The following FHIP1A variants were observed in gnomAD, a reference collection of about 807,000 sequenced individuals.
FHIP1A encodes the protein FHF complex subunit HOOK-interacting protein 1A.
Under a neutral mutation model 88.6 loss-of-function variants are expected in FHIP1A, and 61 were observed. The observed-to-expected ratio is 0.69, with a 90% confidence interval of 0.56 to 0.85. FHIP1A has a LOEUF of 0.85. Ranked by LOEUF, FHIP1A falls within the 40% of genes least tolerant of loss-of-function variation. The pLI is 0.00. For missense variants in FHIP1A, 1,154 were observed against 1,273.5 expected, an observed-to-expected ratio of 0.91 and a Z score of 1.43; for synonymous variants, 478 against 496.0, an observed-to-expected ratio of 0.96 and a Z score of 0.48.
chr4:151,424,968 C>T (rs1336390720), intron 1 of FHIP1A, among the ~76,000 whole-genome samples: 1 of 152,098 alleles, frequency 6.6e-6, no homozygotes, highest in East Asian at 1.9e-4. Flanking sequence ...AGAGAATGGA[C>T]ATCAGTAGCT....
chr4:151,639,031 A>C (rs1168213057), intron 9 of FHIP1A, among the ~76,000 whole-genome samples: 3 of 152,192 alleles, frequency 2.0e-5, no homozygotes, highest in African/African-American at 7.2e-5. Flanking sequence ...AGAATGCTTG[A>C]AAATGTTCAG....
chr4:151,546,258 C>T (rs1318707107), intron 3 of FHIP1A, among the ~76,000 whole-genome samples: 2 of 152,196 alleles, frequency 1.3e-5, no homozygotes, highest in Non-Finnish European at 2.9e-5. Flanking sequence ...TACCAGCAGC[C>T]CCCACTACCT....
chr4:151,476,020 C>T (rs1308962286), intron 2 of FHIP1A, among the ~76,000 whole-genome samples: 1 of 151,912 alleles, frequency 6.6e-6, no homozygotes, highest in African/African-American at 2.4e-5. Context: ...CACCATCGCA[C>T]CTGGCTAATT....
intron 3 of FHIP1A, among the ~76,000 whole-genome samples, chr4:151,550,487 G>A (rs868163019): frequency 1.3e-5 from 2 of 152,094 alleles, no homozygotes; most frequent in South Asian, 4.1e-4. Context: ...CAGTTTTTGT[G>A]TTAATTCTTA....
At chr4:151,641,251 A>G (rs1736577221) in intron 9 of FHIP1A, among the ~76,000 whole-genome samples, 1 of 152,212 alleles carries the variant, frequency 6.6e-6, no homozygotes, top group Non-Finnish European at 1.5e-5. Context: ...CTGAGAGGAC[A>G]TACACAGAAG....
chr4:151,541,410 C>G (rs1020744468), intron 3 of FHIP1A, among the ~76,000 whole-genome samples: 1 of 152,160 alleles, frequency 6.6e-6, no homozygotes, highest in Non-Finnish European at 1.5e-5. Context: ...TTTTTACAGT[C>G]CTTTATGTTT....
At position 151,412,385 on chromosome 4, in the gene FHIP1A, C is replaced by T. The variant is rs979510945; in HGVS notation, c.-356+2920C>T. ...CCTCCCAAAGTGCTGGGATTACAGG[C>T]GTGAGCCACTGTGTTCGGCCAATAA... On this transcript the variant is annotated intron_variant, in intron 1 of 13. Transcript: ENST00000435205. 3.9e-5 allele frequency among the ~76,000 whole-genome samples: 6 copies of T among 152,036 alleles called. No homozygotes were observed. The East Asian group carries it at 7.7e-4, about 20-fold the overall frequency.
chr4:151,575,893 G>C (rs1166604487), intron 4 of FHIP1A, among the ~76,000 whole-genome samples: 2 of 152,110 alleles, frequency 1.3e-5, no homozygotes, highest in Admixed American at 1.3e-4. Context: ...TACTTGCACA[G>C]AACATGTAAC....
chr4:151,644,523 T>A (rs942336499), intron 9 of FHIP1A, among the ~76,000 whole-genome samples: 3 of 152,046 alleles, frequency 2.0e-5, no homozygotes, highest in African/African-American at 7.3e-5. Flanking sequence ...GGCTAACTCT[T>A]CTATGTTTTA....
intron 7 of FHIP1A, among the ~76,000 whole-genome samples, chr4:151,618,292 G>A (rs1436601482): frequency 1.3e-5 from 2 of 152,326 alleles, no homozygotes; most frequent in Non-Finnish European, 2.9e-5. Flanking sequence ...TTATGTCACT[G>A]ACATGGAATC....
rs546547610 is a variant in FHIP1A, at chr4:151,651,742, C to G, written c.2551+1150C>G. On this transcript the variant is annotated intron_variant, in intron 11 of 13. Coordinates refer to ENST00000435205, the MANE Select transcript of FHIP1A (RefSeq NM_001109977.3). ...CCAGCCAAGTAGGTTTATGTGATTT[C>G]AAGGAGCTCTTCCAGCCTCCTCCTC... Among the ~76,000 whole-genome samples, 4 of 152,326 alleles carry G rather than the reference C, an allele frequency of 2.6e-5. No homozygotes were observed. The South Asian group carries it at 8.3e-4, about 32-fold the overall frequency.
intron 13 of FHIP1A, among the ~76,000 whole-genome samples, chr4:151,658,108 C>T (rs1235221343): frequency 1.3e-5 from 2 of 152,156 alleles, no homozygotes; most frequent in East Asian, 1.9e-4. Flanking sequence ...GGAAAGAAGC[C>T]TGGCATCTCT....
chr4:151,490,277 C>A (rs1453797199), intron 3 of FHIP1A, among the ~76,000 whole-genome samples: 1 of 152,188 alleles, frequency 6.6e-6, no homozygotes, highest in African/African-American at 2.4e-5. Context: ...CCACTTCCAC[C>A]AGAGCAGGTG....
At chr4:151,448,547 G>A (rs1728686761) in intron 1 of FHIP1A, among the ~76,000 whole-genome samples, 1 of 152,094 alleles carries the variant, frequency 6.6e-6, no homozygotes, top group African/African-American at 2.4e-5. Context: ...CTCTAGACTA[G>A]AATCATACAG....
At chr4:151,417,331 A>C (rs1022555237) in intron 1 of FHIP1A, among the ~76,000 whole-genome samples, 1 of 152,160 alleles carries the variant, frequency 6.6e-6, no homozygotes, top group Admixed American at 6.5e-5. Context: ...GATTGGTTGC[A>C]GAAAGCGACC....
intron 2 of FHIP1A, among the ~76,000 whole-genome samples, chr4:151,463,854 C>T (rs1199860456): frequency 6.6e-6 from 1 of 151,968 alleles, no homozygotes; most frequent in Non-Finnish European, 1.5e-5. Flanking sequence ...AGATAATTAC[C>T]CCTGAGTTTT....
chr4:151,615,138 A>G (rs1392868002), intron 7 of FHIP1A, among the ~76,000 whole-genome samples: 1 of 152,192 alleles, frequency 6.6e-6, no homozygotes, highest in Non-Finnish European at 1.5e-5. Context: ...GAACTCTTAC[A>G]ATGGGAGACA....
At chr4:151,507,498 CCT>C (rs1409235711) in intron 3 of FHIP1A, among the ~76,000 whole-genome samples, 1 of 151,434 alleles carries the variant, frequency 6.6e-6, no homozygotes, top group Non-Finnish European at 1.5e-5. Context: ...TTATTTTTTC[CCT>C]CTTTCCATTT....
At chr4:151,438,553 A>T (rs904345321) in intron 1 of FHIP1A, among the ~76,000 whole-genome samples, 2 of 151,542 alleles carry the variant, frequency 1.3e-5, no homozygotes, top group Non-Finnish European at 2.9e-5. Context: ...ACCTCACCAG[A>T]ATTATTTATT....
Sources: allele counts gnomAD v4.1 joint callset (sites outside exome capture counted in the v4.1 genomes callset), GRCh38; gene constraint gnomAD v4.1.1; transcripts MANE v1.5; gene names NCBI Gene and HGNC (gene_info 2026-07-23, HGNC 2026-07-21).